CYTH4: variants seen among roughly 807,000 people sequenced by gnomAD.
CYTH4 encodes the protein cytohesin-4.
Under a neutral mutation model 57.5 loss-of-function variants are expected in CYTH4, and 22 were observed. The observed-to-expected ratio is 0.38, with a 90% CI of 0.27 to 0.55. The LOEUF (loss-of-function observed/expected upper bound fraction) is 0.55. CYTH4 is among the 20% of genes least tolerant of loss of function. CYTH4 has a pLI of 0.74. For missense variants in CYTH4, 420 were observed against 535.6 expected (o/e 0.78, Z 2.13); for synonymous variants, 186 against 206.5 (o/e 0.90, Z 0.85).
At chr22:37,285,661 A>G (rs1411579482) in intron 1 of CYTH4, among the ~76,000 whole-genome samples, 2 of 152,106 alleles carry the variant, frequency 1.3e-5, no homozygotes, top group African/African-American at 2.4e-5. Context: ...CAGTGAGCCG[A>G]GATCAGGCCA....
intron 8 of CYTH4, among the ~76,000 whole-genome samples, chr22:37,304,504 A>C (rs1454036407): frequency 6.6e-6 from 1 of 152,132 alleles, no homozygotes; most frequent in Non-Finnish European, 1.5e-5. Flanking sequence ...CTGAGCTTCA[A>C]TCCCCTCCAT....
intron 8 of CYTH4, among the ~76,000 whole-genome samples, chr22:37,306,861 T>C (rs55882744): frequency 0.02 from 3,010 of 152,370 alleles, 49 homozygotes; most frequent in Non-Finnish European, 0.031. Context: ...CCAGGATTAA[T>C]GCTTATTGGC....
chr22:37,292,577 T>C, intron 1 of CYTH4, 44 bp from the exon 2 acceptor site: 1 of 1,603,416 alleles, frequency 6.2e-7, no homozygotes, highest in South Asian at 1.1e-5. Flanking sequence ...CAAGTGGGTG[T>C]GGCTGGAGCC....
chr22:37,311,949 T>C lies in CYTH4; in HGVS notation c.958-71T>C. On this transcript the variant is annotated intron_variant, in intron 11 of 12. Coordinates refer to ENST00000248901, the MANE Select transcript of CYTH4 (RefSeq NM_013385.5). The surrounding 1 kb of genome is among the most constrained non-coding windows in gnomAD (Gnocchi z 4.4). ...TGATCAGGGACACTAGCGTCTGGGC[T>C]TCTCTGAGCCTCCTGGAGGGCCCAC... 1 of 1,563,860 alleles carries C rather than the reference T, an allele frequency of 6.4e-7. No individual in the cohort carries two copies. Among genetic ancestry groups the C allele is most frequent in the South Asian group, 1.2e-5 (1 of 84,828 alleles).
intron 1 of CYTH4, chr22:37,292,229 A>C: frequency 5.6e-6 from 1 of 177,794 alleles, no homozygotes; most frequent in Non-Finnish European, 1.2e-5. Context: ...GTTCCGGGGA[A>C]GGAATGCGTG....
At chr22:37,309,141 C>A in intron 8 of CYTH4, 71 bp from the exon 9 acceptor site, 1 of 1,389,426 alleles carries the variant, frequency 7.2e-7, no homozygotes, top group Non-Finnish European at 1.0e-6. Flanking sequence ...GCCACACAGG[C>A]CAGGCCAGGC....
intron 8 of CYTH4, among the ~76,000 whole-genome samples, chr22:37,305,904 G>T (rs1929377194): frequency 6.6e-6 from 1 of 152,048 alleles, no homozygotes; most frequent in Admixed American, 6.5e-5. Context: ...GGGACAGGAG[G>T]GTTGAGCCAA....
In CYTH4 at chr22:37,297,631, AT is replaced by A; in HGVS notation, c.303del (p.Tyr101Ter). On this transcript the variant is annotated frameshift_variant, in exon 5 of 13. Transcript: ENST00000248901. LOFTEE classifies it high-confidence loss of function. The part of the protein sequence containing the change: ...PDVQDIARFL[Y>X]KGEGLNKTAI... ...GTCCAGGACATTGCACGGTTCCTGT[AT>A]AAAGGCGAGGGCCTCAACAAGACAG... is the stretch of plus-strand genomic sequence containing the variant. 1 of 1,614,036 alleles carries A rather than the reference AT, an allele frequency of 6.2e-7. No individual in the cohort carries two copies. Among genetic ancestry groups the A allele is most frequent in the Non-Finnish European group, 8.5e-7 (1 of 1,179,922 alleles).
intron 6 of CYTH4, 77 bp downstream of exon 6, chr22:37,299,383 A>G (rs1601704128): frequency 8.1e-7 from 1 of 1,240,966 alleles, no homozygotes; most frequent in East Asian, 2.3e-5. Context: ...CGATCCACAT[A>G]GCTGACAGCA....
At chr22:37,291,301 C>T (rs545229610) in intron 1 of CYTH4, among the ~76,000 whole-genome samples, 1 of 152,318 alleles carries the variant, frequency 6.6e-6, no homozygotes, top group African/African-American at 2.4e-5. Context: ...AGCCTGGTGC[C>T]CTGCATCTCC....
intron 8 of CYTH4, among the ~76,000 whole-genome samples, chr22:37,308,551 A>G (rs982895366): frequency 1.4e-5 from 2 of 143,694 alleles, no homozygotes; most frequent in Non-Finnish European, 1.5e-5. Context: ...TATGTGTGTA[A>G]GTGTGCGTGT....
Position 37,298,771 on chromosome 22 carries a change from C to T in CYTH4, c.354-455C>T, listed in dbSNP as rs990409358. Among the ~76,000 whole-genome samples, 3 of 152,076 alleles carry T rather than the reference C, an allele frequency of 2.0e-5. No homozygotes were observed. The highest frequency in any genetic ancestry group is 2.9e-5 in the Non-Finnish European group (2 of 68,000). ...CTCCCAAGGACACCCCTCCCTCCCG[C>T]GGTGAGCAGGGGATGCAGACGGTGA... On this transcript the variant is annotated intron_variant, in intron 5 of 12. Transcript: ENST00000248901. This position sits in a 1 kb window ranked among gnomAD's most constrained non-coding sequence, Gnocchi z 4.1.
Position 37,295,747 on chromosome 22 carries a change from G to C in CYTH4, c.168-252G>C, listed in dbSNP as rs1000383415. Among the ~76,000 whole-genome samples, 1 of 152,190 alleles carries C rather than the reference G, an allele frequency of 6.6e-6. No individual in the cohort carries two copies. The highest frequency in any genetic ancestry group is 1.5e-5 in the Non-Finnish European group (1 of 68,032). On this transcript the variant is annotated intron_variant, in intron 3 of 12. Transcript: ENST00000248901. The surrounding 1 kb of genome is among the most constrained non-coding windows in gnomAD (Gnocchi z 4.1). ...AGGGCCCCTCCACCTTCTCCCACAC[G>C]GCAGCTCCGGGTTCCTGCAAGCTGC...
intron 1 of CYTH4, 75 bp from the exon 2 acceptor site, chr22:37,292,546 G>A: frequency 6.8e-7 from 1 of 1,469,712 alleles, no homozygotes; most frequent in East Asian, 2.3e-5. Context: ...CGGAGGGAAG[G>A]GGGCCCTGCA....
chr22:37,312,939 G>T (rs1038600913), intron 12 of CYTH4, among the ~76,000 whole-genome samples: 9 of 152,234 alleles, frequency 5.9e-5, no homozygotes, highest in Non-Finnish European at 1.2e-4. Context: ...GCCGTGTCCC[G>T]GGGACTTGCA....
chr22:37,310,106 C>A (rs1412780424), intron 9 of CYTH4: 2 of 438,082 alleles, frequency 4.6e-6, no homozygotes, highest in Non-Finnish European at 9.6e-6. Context: ...GCCTCCAGCA[C>A]CTCCTGTCTA....
chr22:37,296,347 T>G, intron 4 of CYTH4: 1 of 446,054 alleles, frequency 2.2e-6, no homozygotes, highest in Non-Finnish European at 4.1e-6. Context: ...GGGCCTCCAT[T>G]TCCTTCTCCA....
intron 8 of CYTH4, 38 bp downstream of exon 8, chr22:37,303,440 A>G: frequency 1.3e-6 from 2 of 1,598,212 alleles, no homozygotes; most frequent in Non-Finnish European, 1.7e-6. Context: ...GGCCCCGGGG[A>G]ATCCAGGAGG....
At chr22:37,292,945 C>T (rs894075973) in intron 2 of CYTH4, among the ~76,000 whole-genome samples, 4 of 152,120 alleles carry the variant, frequency 2.6e-5, no homozygotes, top group African/African-American at 7.2e-5. Flanking sequence ...CACCGTGTGC[C>T]GATCCTCATC....
Sources: gnomAD v4.1 joint callset for allele counts (sites outside exome capture counted in the v4.1 genomes callset) on GRCh38, gnomAD v4.1.1 for gene constraint, Gnocchi (gnomAD v3.1) non-coding constraint, MANE v1.5 for transcripts, NCBI Gene and HGNC (gene_info 2026-07-23, HGNC 2026-07-21) for gene names.